The following CD55 variants were observed in gnomAD, a reference collection of about 807,000 sequenced individuals.
The protein encoded by CD55 is CD55 molecule (Cromer blood group), also known as complement decay-accelerating factor.
Under a neutral mutation model 45.8 loss-of-function variants are expected in CD55, and 41 were observed. That is an observed-to-expected ratio of 0.90 (90% CI 0.70 to 1.16). CD55 has a LOEUF of 1.16. Among genes scored for constraint, CD55 ranks in the 50% most tolerant of loss-of-function variants. The pLI is 0.00. For missense variants in CD55, 416 were observed against 469.8 expected (o/e 0.89, Z 1.06); for synonymous variants, 181 against 181.1 (o/e 1.00, Z 0.01).
chr1:207,341,169 C>A (rs1655411296), intron 9 of CD55, among the ~76,000 whole-genome samples: 1 of 152,100 alleles, frequency 6.6e-6, no homozygotes, highest in Non-Finnish European at 1.5e-5. Context: ...GATATTAGTA[C>A]CTTTACAGAT....
chr1:207,322,384 G>A lies in CD55; in HGVS notation c.103G>A (p.Asp35Asn). The A allele has an allele frequency of 6.2e-7, 1 of 1,613,898 alleles. No homozygotes were observed. The highest frequency in any genetic ancestry group is 8.5e-7 in the Non-Finnish European group (1 of 1,179,792). ...VLLCLPAVWG[D>N]CGLPPDVPNA... Reference sequence around the variant, plus strand: ...CAGTTCTGCTTTTGTCTCCCTAGGTGACTGTGGCCTTCCCCCAGATGTACC... The same window carrying A: ...CAGTTCTGCTTTTGTCTCCCTAGGTAACTGTGGCCTTCCCCCAGATGTACC... The change falls in exon 2 of 10, where the codon GAC (aspartate) becomes AAC (asparagine). Residue 35 changes from aspartate (D) to asparagine (N), a missense_variant and splice_region_variant. By Grantham distance (23) the Asp-to-Asn change is conservative. This residue lies in a region of CD55 where 123 missense variants were observed against 105.1 expected (regional missense o/e 1.17). Coordinates refer to ENST00000367064, the MANE Select transcript of CD55 (RefSeq NM_000574.5).
At chr1:207,355,882 C>T (rs28371645) in intron 9 of CD55, among the ~76,000 whole-genome samples, 42,307 of 152,028 alleles carry the variant, frequency 0.28, 6,151 homozygotes, top group African/African-American at 0.35. Flanking sequence ...CTTAAGAAGC[C>T]TCTCAAACCT....
At chr1:207,359,482 TTATCAC>T (rs747120501) in intron 9 of CD55, 58 bp from the exon 10 acceptor site, 95 of 1,429,780 alleles carry the variant, frequency 6.6e-5, no homozygotes, top group Non-Finnish European at 8.4e-5. Flanking sequence ...AAATTTATAT[TTATCAC>T]TAGTAAATAA....
intron 9 of CD55, among the ~76,000 whole-genome samples, chr1:207,351,648 T>C (rs1249695694): frequency 6.6e-6 from 1 of 152,218 alleles, no homozygotes; most frequent in Non-Finnish European, 1.5e-5. Flanking sequence ...ATTCCAACTG[T>C]TGGAATTCAC....
chr1:207,340,377 T>G, intron 9 of CD55: 1 of 449,138 alleles, frequency 2.2e-6, no homozygotes, highest in South Asian at 4.5e-5. Flanking sequence ...ATTTTTATTT[T>G]TTTTTTGAGA....
At chr1:207,356,241 T>C (rs773880850) in intron 9 of CD55, among the ~76,000 whole-genome samples, 2 of 152,174 alleles carry the variant, frequency 1.3e-5, no homozygotes, top group African/African-American at 2.4e-5. Context: ...TTTTAAAAAT[T>C]TATTCCTAGT....
At chr1:207,356,126 A>C (rs1210864041) in intron 9 of CD55, among the ~76,000 whole-genome samples, 1 of 152,178 alleles carries the variant, frequency 6.6e-6, no homozygotes, top group Non-Finnish European at 1.5e-5. Context: ...CTGTGTTACC[A>C]TATCTTTTCC....
intron 9 of CD55, chr1:207,340,421 G>A (rs749914727): frequency 1.2e-5 from 7 of 565,762 alleles, no homozygotes; most frequent in South Asian, 1.0e-4. Context: ...GCTGGTATGC[G>A]GTGGTGTGAT....
intron 9 of CD55, among the ~76,000 whole-genome samples, chr1:207,352,482 CAT>C (rs1466142149): frequency 2.6e-5 from 4 of 152,016 alleles, no homozygotes; most frequent in Non-Finnish European, 4.4e-5. Flanking sequence ...AAGACAAAAT[CAT>C]ATAGAAGAAA....
Position 207,324,759 on chromosome 1 carries a change from A to G in CD55, c.478+9A>G, listed in dbSNP as rs780579309. ...AGTCGAATTTTGTAAAAGTGAGTAA[A>G]ATTTTTTAAAGTATTTTCAACCATC... is the stretch of plus-strand genomic sequence containing the variant. On this transcript the variant is annotated intron_variant, in intron 3 of 9. Transcript: ENST00000367064. The G allele has an allele frequency of 1.3e-6, 2 of 1,577,680 alleles. No homozygotes were observed. The highest frequency in any genetic ancestry group is 1.7e-6 in the Non-Finnish European group (2 of 1,154,830).
At chr1:207,359,229 ATTTTT>A (rs1165892796) in intron 9 of CD55, among the ~76,000 whole-genome samples, 1 of 151,868 alleles carries the variant, frequency 6.6e-6, no homozygotes, top group Admixed American at 6.6e-5. Flanking sequence ...TTATTTTTAT[ATTTTT>A]TTAACATCTC....
intron 6 of CD55, among the ~76,000 whole-genome samples, chr1:207,332,678 A>C (rs889348923): frequency 6.6e-6 from 1 of 152,194 alleles, no homozygotes; most frequent in Non-Finnish European, 1.5e-5. Context: ...TTAAATGATC[A>C]GTTATTTAGA....
chr1:207,335,579 G>A (rs529801125), intron 6 of CD55, among the ~76,000 whole-genome samples: 5 of 152,288 alleles, frequency 3.3e-5, no homozygotes, highest in African/African-American at 1.2e-4. Context: ...TTTTTATATA[G>A]GAGGGTCTTA....
intron 6 of CD55, among the ~76,000 whole-genome samples, chr1:207,333,709 A>G (rs1026810192): frequency 2.6e-5 from 4 of 152,254 alleles, no homozygotes; most frequent in African/African-American, 9.6e-5. Flanking sequence ...AAAATGGTGT[A>G]AAATGAATAT....
intron 9 of CD55, among the ~76,000 whole-genome samples, chr1:207,346,496 C>T (rs1431655669): frequency 6.6e-6 from 1 of 152,132 alleles, no homozygotes; most frequent in Non-Finnish European, 1.5e-5. Flanking sequence ...GTGCTGTGGA[C>T]CAGCTACTTG....
At chr1:207,331,630 G>A (rs1174307879) in intron 6 of CD55, among the ~76,000 whole-genome samples, 1 of 152,128 alleles carries the variant, frequency 6.6e-6, no homozygotes, top group Non-Finnish European at 1.5e-5. Flanking sequence ...ATATAAAGTG[G>A]TTTATTGGAG....
In CD55 at chr1:207,331,111, T is replaced by A. The variant is rs551629921; in HGVS notation, c.668T>A (p.Ile223Asn). 1.8e-4 allele frequency: 290 copies of A among 1,595,146 alleles called. 8 individuals carry two copies. In the South Asian group the frequency reaches 3.1e-3, roughly 17 times the overall value. Residue 223 changes from isoleucine to asparagine, a missense_variant, in exon 6 of 10, where the codon ATT (isoleucine) becomes AAT (asparagine). This residue lies in a region of CD55 where 182 missense variants were observed against 201.4 expected (regional missense o/e 0.90). Transcript: ENST00000367064. ...WSDPLPECRE[I>N]YCPAPPQIDN... ...GATGTTGGAATTGTTTTTTAAGAAA[T>A]TTATTGTCCAGCACCACCACAAATT...
chr1:207,346,132 G>A (rs1655627196), intron 9 of CD55, among the ~76,000 whole-genome samples: 1 of 152,280 alleles, frequency 6.6e-6, no homozygotes, highest in African/African-American at 2.4e-5. Flanking sequence ...GATGGCAGTA[G>A]TAGTGGTGGG....
At chr1:207,343,317 C>A (rs1446823419) in intron 9 of CD55, among the ~76,000 whole-genome samples, 4 of 151,976 alleles carry the variant, frequency 2.6e-5, no homozygotes, top group Non-Finnish European at 5.9e-5. Flanking sequence ...TCATTTATTG[C>A]TGTAAACTTC....
Sources: allele counts gnomAD v4.1 joint callset (sites outside exome capture counted in the v4.1 genomes callset), GRCh38; gene constraint gnomAD v4.1.1; regional missense constraint gnomAD v4.1.1; transcripts MANE v1.5; gene names NCBI Gene and HGNC (gene_info 2026-07-23, HGNC 2026-07-21).